GRM7: variants seen among roughly 807,000 people sequenced by gnomAD.
GRM7 encodes metabotropic glutamate receptor 7.
GRM7 carries 35 observed loss-of-function variants against 84.5 expected under a neutral mutation model. The ratio of observed to expected loss-of-function variants is 0.41; its 90% CI spans 0.32 to 0.55. The LOEUF (loss-of-function observed/expected upper bound fraction) is 0.55. Ranked by LOEUF, GRM7 falls within the 20% of genes least tolerant of loss-of-function variation. GRM7 has a pLI of 0.19. For synonymous variants in GRM7, 487 were observed against 455.1 expected (o/e 1.07, Z -0.89); for missense variants, 1,003 against 1,194.6 (o/e 0.84, Z 2.36).
intron 7 of GRM7, among the ~76,000 whole-genome samples, chr3:7,488,332 G>C (rs2124946489): frequency 6.6e-6 from 1 of 152,200 alleles, no homozygotes; most frequent in Admixed American, 6.5e-5. Flanking sequence ...GGAGGGCAAG[G>C]GGCAGAATGC....
chr3:7,305,803 TG>T (rs2125033287), intron 3 of GRM7, among the ~76,000 whole-genome samples: 1 of 152,246 alleles, frequency 6.6e-6, no homozygotes, highest in South Asian at 2.1e-4. Flanking sequence ...ACTTATCCTG[TG>T]GTCTTACCCA....
chr3:7,011,971 C>T (rs971831296), intron 1 of GRM7, among the ~76,000 whole-genome samples: 1 of 152,064 alleles, frequency 6.6e-6, no homozygotes, highest in South Asian at 2.1e-4. Flanking sequence ...AGAGAGTGTT[C>T]TTCTCAAATA....
intron 8 of GRM7, among the ~76,000 whole-genome samples, chr3:7,649,018 T>C (rs898064612): frequency 6.6e-6 from 1 of 151,880 alleles, no homozygotes; most frequent in Non-Finnish European, 1.5e-5. Context: ...GTCTGCCAGA[T>C]AGTACCAAGT....
intron 1 of GRM7, among the ~76,000 whole-genome samples, chr3:6,948,601 G>A (rs550598595): frequency 2.0e-5 from 3 of 152,116 alleles, no homozygotes; most frequent in Non-Finnish European, 2.9e-5. Flanking sequence ...TTCAATTCCT[G>A]TATATCCTTG....
chr3:7,176,039 A>G (rs1695134396), intron 2 of GRM7, among the ~76,000 whole-genome samples: 1 of 151,912 alleles, frequency 6.6e-6, no homozygotes, highest in African/African-American at 2.4e-5. Context: ...GTGATTTCTA[A>G]TTTTGACTAC....
intron 2 of GRM7, among the ~76,000 whole-genome samples, chr3:7,223,297 T>C (rs1211501257): frequency 6.6e-6 from 1 of 152,120 alleles, no homozygotes; most frequent in African/African-American, 2.4e-5. Flanking sequence ...GATTGTATTT[T>C]TTTTGTCTTT....
intron 7 of GRM7, among the ~76,000 whole-genome samples, chr3:7,476,841 T>C (rs1005129380): frequency 6.6e-6 from 1 of 152,184 alleles, no homozygotes; most frequent in Admixed American, 6.5e-5. Context: ...TGTCTGACAG[T>C]TCTGTGTCTT....
chr3:6,877,719 A>C (rs146301128), intron 1 of GRM7, among the ~76,000 whole-genome samples: 177 of 152,220 alleles, frequency 1.2e-3, no homozygotes, highest in African/African-American at 3.8e-3. Flanking sequence ...AGGCCACTGG[A>C]TATAATTTCC....
Position 7,575,315 on chromosome 3 carries a change from A to C in GRM7, c.1516-3107A>C, listed in dbSNP as rs148654122. Among the ~76,000 whole-genome samples, 738 of 152,310 alleles carry C rather than the reference A, an allele frequency of 4.8e-3. 2 individuals carry two copies. The highest frequency in any genetic ancestry group is 0.01 in the Middle Eastern group (3 of 294). ...GCATCTTCTAATGAAGATGATGATA[A>C]ACACATCAGTCTTTTTCTTAATCTT... On this transcript the variant is annotated intron_variant, in intron 7 of 9. Transcript: ENST00000357716.
chr3:7,724,578 C>A (rs1233310102), intron 9 of GRM7, among the ~76,000 whole-genome samples: 2 of 152,210 alleles, frequency 1.3e-5, no homozygotes, highest in African/African-American at 4.8e-5. Context: ...ACAACACTGT[C>A]AGTTTCCTCA....
At chr3:7,347,263 T>C (rs1692934930) in intron 4 of GRM7, among the ~76,000 whole-genome samples, 1 of 152,162 alleles carries the variant, frequency 6.6e-6, no homozygotes, top group African/African-American at 2.4e-5. Flanking sequence ...TCAAGGCTGC[T>C]CCTTATAATG....
Position 7,200,964 on chromosome 3 carries a change from A to ATTTTTT in GRM7, c.736+54314_736+54319dup, listed in dbSNP as rs71625339. Among the ~76,000 whole-genome samples the ATTTTTT allele has an allele frequency of 3.4e-4, 33 of 98,156 alleles. 2 individuals carry two copies. The highest frequency in any genetic ancestry group is 1.3e-3 in the African/African-American group (29 of 23,066). 64.4% of individuals were successfully genotyped at this position (98,156 alleles called of 152,430 possible). On this transcript the variant is annotated intron_variant, in intron 2 of 9. Coordinates refer to ENST00000357716, the MANE Select transcript of GRM7 (RefSeq NM_000844.4). ...ACTGTCTTGGGGGAAACATTTCAGAATTTTTTTTTTTTTTTTTTTTTTTGA... is the reference window on the plus strand; with the variant it reads ...ACTGTCTTGGGGGAAACATTTCAGAATTTTTTTTTTTTTTTTTTTTTTTTTTTTTGA...
In GRM7 at chr3:6,861,426, T is replaced by C. The variant is rs1186472278; in HGVS notation, c.38T>C (p.Leu13Ser). 6.2e-7 allele frequency: 1 copy of C among 1,600,584 alleles called. No individual in the cohort carries two copies. Among genetic ancestry groups the C allele is most frequent in the Non-Finnish European group, 8.5e-7 (1 of 1,175,346 alleles). The change falls in exon 1 of 10, where the codon TTG (leucine) becomes TCG (serine). Residue 13 changes from leucine (L) to serine (S), a missense_variant. This residue lies in a region of GRM7 where 93 missense variants were observed against 68.6 expected (regional missense o/e 1.36). Transcript: ENST00000357716. The surrounding 1 kb of genome is among the most constrained non-coding windows in gnomAD (Gnocchi z 6.4). ...AGGAAGCTGCTCCGCGTCCTGACTT[T>C]GATGAAGTTCCCCTGCTGCGTGCTG... ...QLRKLLRVLT[L>S]MKFPCCVLEV...
intron 2 of GRM7, among the ~76,000 whole-genome samples, chr3:7,216,573 A>G (rs1423297759): frequency 6.6e-6 from 1 of 152,178 alleles, no homozygotes; most frequent in Non-Finnish European, 1.5e-5. Context: ...GCAAAACTGG[A>G]AAATAACACA....
intron 9 of GRM7, among the ~76,000 whole-genome samples, chr3:7,725,793 T>C (rs562221580): frequency 6.4e-4 from 97 of 152,300 alleles, no homozygotes; most frequent in African/African-American, 2.3e-3. Flanking sequence ...CAACAGACAT[T>C]ATCAATCCAT....
At chr3:7,707,969 A>G (rs1403462610) in intron 9 of GRM7, among the ~76,000 whole-genome samples, 1 of 129,898 alleles carries the variant, frequency 7.7e-6, no homozygotes, top group Non-Finnish European at 1.6e-5. Flanking sequence ...CCCATGCCCT[A>G]TAAAGCAAGC....
At chr3:6,950,770 C>G (rs1278288216) in intron 1 of GRM7, among the ~76,000 whole-genome samples, 1 of 152,216 alleles carries the variant, frequency 6.6e-6, no homozygotes, top group Non-Finnish European at 1.5e-5. Flanking sequence ...CGCCCCTCCC[C>G]CAGCCTTGCT....
At chr3:7,029,053 C>T (rs1313054732) in intron 1 of GRM7, among the ~76,000 whole-genome samples, 1 of 152,092 alleles carries the variant, frequency 6.6e-6, no homozygotes, top group African/African-American at 2.4e-5. Flanking sequence ...CCTATAATCC[C>T]AGTATTTTGG....
In GRM7 at chr3:7,106,249, A is replaced by G. The variant is rs1461006866; in HGVS notation, c.520-40203A>G. ...AGCAAAATTTGAAAAGGTCAGGAACAACTTCAATAAAGCAATTCATTTTTC... is the reference window on the plus strand; with the variant it reads ...AGCAAAATTTGAAAAGGTCAGGAACGACTTCAATAAAGCAATTCATTTTTC... On this transcript the variant is annotated intron_variant, in intron 1 of 9. Transcript: ENST00000357716. Among the ~76,000 whole-genome samples, 5 of 149,294 alleles carry G rather than the reference A, an allele frequency of 3.3e-5. No individual in the cohort carries two copies. The East Asian group carries it at 7.8e-4, about 23-fold the overall frequency.
Sources: allele counts gnomAD v4.1 joint callset (sites outside exome capture counted in the v4.1 genomes callset), GRCh38; gene constraint gnomAD v4.1.1; regional missense constraint gnomAD v4.1.1; non-coding constraint Gnocchi (gnomAD v3.1); transcripts MANE v1.5; gene names NCBI Gene and HGNC (gene_info 2026-07-23, HGNC 2026-07-21).